Variants in FSD1L observed in about 807,000 individuals in gnomAD.
The protein encoded by FSD1L is FSD1-like protein.
Under a neutral mutation model 71.6 loss-of-function variants are expected in FSD1L, and 45 were observed. The observed-to-expected ratio is 0.63, with a 90% CI of 0.49 to 0.81. FSD1L has a LOEUF of 0.81. Ranked by LOEUF, FSD1L falls within the 30% of genes least tolerant of loss-of-function variation. The probability of loss-of-function intolerance (pLI) is 0.00; values close to 1 mark genes in which losing one functional copy is unlikely to be tolerated. For missense variants in FSD1L, 561 were observed against 618.1 expected, an observed-to-expected ratio of 0.91 and a Z score of 0.98; for synonymous variants, 197 against 207.2, an observed-to-expected ratio of 0.95 and a Z score of 0.42.
chr9:105,523,162 G>A (rs1835290907), intron 10 of FSD1L: 2 of 1,613,848 alleles, frequency 1.2e-6, no homozygotes, highest in African/African-American at 2.7e-5. Flanking sequence ...GAAACAAGCA[G>A]TCTTAATCAG....
At chr9:105,451,356 A>G (rs1829993447) in intron 1 of FSD1L, among the ~76,000 whole-genome samples, 1 of 152,238 alleles carries the variant, frequency 6.6e-6, no homozygotes, top group African/African-American at 2.4e-5. Flanking sequence ...TCTAATAGAA[A>G]GAGGTTTGGA....
chr9:105,518,106 GCTAA>G, intron 10 of FSD1L, among the ~76,000 whole-genome samples: 1 of 152,288 alleles, frequency 6.6e-6, no homozygotes, highest in Admixed American at 6.5e-5. Context: ...ATCAAGAAGA[GCTAA>G]CTATCCTAAA....
At chr9:105,504,146 A>T (rs1474859074) in intron 7 of FSD1L, among the ~76,000 whole-genome samples, 2 of 152,212 alleles carry the variant, frequency 1.3e-5, no homozygotes, top group Non-Finnish European at 2.9e-5. Context: ...ATTTCCTTAC[A>T]TGTAGGCATA....
Position 105,522,152 on chromosome 9 carries a change from A to G in FSD1L, c.1025+9216A>G. On this transcript the variant is annotated intron_variant, in intron 10 of 13. Coordinates refer to ENST00000481272, the MANE Select transcript of FSD1L (RefSeq NM_001145313.3). ...TAGTTGCCTGGATCAAAGCAAACCTAAATGTGTACATCTCCCGAGAACTTT... is the reference window on the plus strand; with the variant it reads ...TAGTTGCCTGGATCAAAGCAAACCTGAATGTGTACATCTCCCGAGAACTTT... 3 of 1,613,968 alleles carry G rather than the reference A, an allele frequency of 1.9e-6. No individual in the cohort carries two copies. In the South Asian group the frequency reaches 3.3e-5, roughly 18 times the overall value.
chr9:105,446,014 C>T (rs187474970), upstream of FSD1L, among the ~76,000 whole-genome samples: 1 of 152,110 alleles, frequency 6.6e-6, no homozygotes, highest in African/African-American at 2.4e-5. Flanking sequence ...TTGTACATCT[C>T]TGTCCAGTTA....
chr9:105,496,489 T>C (rs897435941), intron 7 of FSD1L, among the ~76,000 whole-genome samples: 1 of 152,358 alleles, frequency 6.6e-6, no homozygotes, highest in Admixed American at 6.5e-5. Context: ...TGGGAAGAAC[T>C]GACATCTTAA....
chr9:105,541,770 C>T (rs1836629480), intron 13 of FSD1L, among the ~76,000 whole-genome samples: 1 of 152,108 alleles, frequency 6.6e-6, no homozygotes, highest in Non-Finnish European at 1.5e-5. Flanking sequence ...TAGAAAATTC[C>T]TTTGTGTTCT....
At chr9:105,529,184 A>G (rs1261311540) in intron 10 of FSD1L, among the ~76,000 whole-genome samples, 1 of 152,218 alleles carries the variant, frequency 6.6e-6, no homozygotes, top group Non-Finnish European at 1.5e-5. Context: ...GTGTAAATTA[A>G]TTAGTTCAAC....
chr9:105,500,625 A>G (rs530985867), intron 7 of FSD1L: 4 of 152,308 alleles, frequency 2.6e-5, no homozygotes, highest in African/African-American at 9.6e-5. Context: ...GTGGAAGCAT[A>G]AGGGGATTTT....
chr9:105,469,413 G>C (rs1831292469), intron 4 of FSD1L, among the ~76,000 whole-genome samples: 1 of 151,106 alleles, frequency 6.6e-6, no homozygotes, highest in Non-Finnish European at 1.5e-5. Context: ...TTCTTCATGT[G>C]CTTGCCGGTG....
rs531914567 is a variant in FSD1L, at chr9:105,449,775, T to TAGTGAGG, written c.15+1541_15+1542insGTGAGGA. Among the ~76,000 whole-genome samples the TAGTGAGG allele has an allele frequency of 8.8e-3, 345 of 39,270 alleles. No homozygotes were observed. In the African/African-American group the frequency reaches 0.094, roughly 11 times the overall value. 25.8% of individuals were successfully genotyped at this position (39,270 alleles called of 152,430 possible). ...ATCAGGGATGCATTATTCCTTACTT[T>TAGTGAGG]AATGAGTTGTGACTCCTGGAAGGTC... On this transcript the variant is annotated intron_variant, in intron 1 of 13. Coordinates refer to ENST00000481272, the MANE Select transcript of FSD1L (RefSeq NM_001145313.3).
At chr9:105,537,716 A>G (rs79635416) in intron 12 of FSD1L, among the ~76,000 whole-genome samples, 3,928 of 152,200 alleles carry the variant, frequency 0.026, 97 homozygotes, top group African/African-American at 0.069. Context: ...GTGGTTAAAG[A>G]TGGAAGAGAT....
chr9:105,516,043 G>T (rs1484988046), intron 10 of FSD1L, among the ~76,000 whole-genome samples: 1 of 152,144 alleles, frequency 6.6e-6, no homozygotes, highest in African/African-American at 2.4e-5. Flanking sequence ...GGCTTGAGTA[G>T]GTGGTTTTCC....
At chr9:105,522,207 T>G in intron 10 of FSD1L, 1 of 1,613,980 alleles carries the variant, frequency 6.2e-7, no homozygotes, top group Middle Eastern at 1.7e-4. Flanking sequence ...ATTGTCATCG[T>G]TGACCTATTG....
chr9:105,533,355 G>GA (rs1420519770), intron 10 of FSD1L, among the ~76,000 whole-genome samples: 1 of 143,020 alleles, frequency 7.0e-6, no homozygotes, highest in Non-Finnish European at 1.5e-5. Context: ...TTGAGTAGGA[G>GA]AAATGCTTGA....
At chr9:105,503,145 C>CTTAAA (rs1833867211) in intron 7 of FSD1L, among the ~76,000 whole-genome samples, 1 of 152,030 alleles carries the variant, frequency 6.6e-6, no homozygotes, top group African/African-American at 2.4e-5. Context: ...GCCTCAGCTT[C>CTTAAA]TTAAAGTACT....
chr9:105,524,288 T>C (rs1025429785), intron 10 of FSD1L: 1 of 1,612,774 alleles, frequency 6.2e-7, no homozygotes, highest in African/African-American at 1.3e-5. Context: ...TGCTGGTTCA[T>C]TATGTACCTA....
intron 10 of FSD1L, chr9:105,522,308 A>C: frequency 6.2e-7 from 1 of 1,613,944 alleles, no homozygotes; most frequent in Non-Finnish European, 8.5e-7. Flanking sequence ...TCAGTGATTT[A>C]CCATTGGATA....
chr9:105,520,830 C>G, intron 10 of FSD1L: 1 of 1,612,250 alleles, frequency 6.2e-7, no homozygotes, highest in East Asian at 2.2e-5. Context: ...AATCACTCCT[C>G]TTGTCCCCCC....
Sources: allele counts gnomAD v4.1 joint callset (sites outside exome capture counted in the v4.1 genomes callset), GRCh38; gene constraint gnomAD v4.1.1; transcripts MANE v1.5; gene names NCBI Gene and HGNC (gene_info 2026-07-23, HGNC 2026-07-21).